The following CASP9 variants were observed in gnomAD, a reference collection of about 807,000 sequenced individuals.
CASP9 encodes the protein caspase-9.
A neutral mutation model predicts 43.5 loss-of-function variants in CASP9; 29 were observed. That is an observed-to-expected ratio of 0.67 (90% CI 0.50 to 0.91). CASP9 has a LOEUF of 0.91. Ranked by LOEUF, CASP9 falls within the 40% of genes least tolerant of loss-of-function variation. CASP9 has a pLI of 0.00. For synonymous variants in CASP9, 206 were observed against 211.9 expected, an observed-to-expected ratio of 0.97 and a Z score of 0.24; for missense variants, 575 against 537.4, an observed-to-expected ratio of 1.07 and a Z score of -0.69.
At position 15,507,096 on chromosome 1, in the gene CASP9, G is replaced by A. The variant is rs2308947; in HGVS notation, c.454-21C>T. The A allele has an allele frequency of 1.6e-5, 26 of 1,612,708 alleles. 1 individual carries two copies. The East Asian group carries it at 2.0e-4, about 12-fold the overall frequency. On this transcript the variant is annotated intron_variant, in intron 3 of 8. Coordinates refer to ENST00000333868, the MANE Select transcript of CASP9 (RefSeq NM_001229.5). ...TAAGCCTGCCAGCACAGGGACCCACGTAAACCCGGGCTCTCCCCACGCTCC... is the reference window on the plus strand; with the variant it reads ...TAAGCCTGCCAGCACAGGGACCCACATAAACCCGGGCTCTCCCCACGCTCC...
intron 1 of CASP9, chr1:15,519,785 T>G (rs940714012): frequency 6.6e-6 from 1 of 152,520 alleles, no homozygotes; most frequent in East Asian, 1.9e-4. Flanking sequence ...AGTGGGAGGA[T>G]AGCTTGAGCC....
rs763654288 is a variant in CASP9 at position 15,524,099 on chromosome 1, C to A, written c.102G>T (p.Leu34=). The change falls in exon 1 of 9, where the codon CTG becomes CTT. Residue 34 remains leucine, a synonymous_variant. Coordinates refer to ENST00000333868, the MANE Select transcript of CASP9 (RefSeq NM_001229.5). The part of the protein sequence containing the change: ...QLWDALLSRE[L]FRPHMIEDIQ... Reference sequence around the variant, plus strand: ...TGTCCTCGATCATATGGGGCCTGAACAGCTCGCGGCTCAGCAGGGCGTCCC... The same window carrying A: ...TGTCCTCGATCATATGGGGCCTGAAAAGCTCGCGGCTCAGCAGGGCGTCCC... 1 of 1,540,210 alleles carries A rather than the reference C, an allele frequency of 6.5e-7. No homozygotes were observed. The highest frequency in any genetic ancestry group is 8.7e-7 in the Non-Finnish European group (1 of 1,147,926).
chr1:15,515,679 C>T (rs1415075614), intron 2 of CASP9, among the ~76,000 whole-genome samples: 1 of 152,166 alleles, frequency 6.6e-6, no homozygotes, highest in Non-Finnish European at 1.5e-5. Context: ...TTACCCATCA[C>T]ACAGGAAAAA....
upstream of CASP9, chr1:15,524,740 C>CT (rs1291288142): frequency 4.9e-6 from 5 of 1,023,746 alleles, no homozygotes; most frequent in Admixed American, 6.2e-5. Flanking sequence ...GGGTCACCGC[C>CT]TGTCCCCAGA....
intron 2 of CASP9, among the ~76,000 whole-genome samples, chr1:15,517,859 CA>C (rs1400612223): frequency 1.3e-5 from 2 of 151,466 alleles, no homozygotes; most frequent in Non-Finnish European, 2.9e-5. Context: ...ATCTCAAAGG[CA>C]GGAAAAAAAA....
chr1:15,503,396 G>A (rs559105211), intron 6 of CASP9, among the ~76,000 whole-genome samples: 109 of 152,332 alleles, frequency 7.2e-4, no homozygotes, highest in Admixed American at 1.4e-3. Context: ...AGATAGGTCA[G>A]TAGCCCATCC....
At chr1:15,522,639 CAGG>C (rs1191977193) in intron 1 of CASP9, among the ~76,000 whole-genome samples, 2 of 152,152 alleles carry the variant, frequency 1.3e-5, no homozygotes, top group African/African-American at 2.4e-5. Flanking sequence ...CACTTAAGCC[CAGG>C]AGGTCAAGGT....
intron 6 of CASP9, among the ~76,000 whole-genome samples, chr1:15,497,358 A>G (rs1235298515): frequency 6.6e-6 from 1 of 150,988 alleles, no homozygotes; most frequent in Non-Finnish European, 1.5e-5. Context: ...AATAAAGAAG[A>G]CATAGGCCAG....
chr1:15,518,009 T>C, intron 2 of CASP9, 101 bp downstream of exon 2: 1 of 1,364,304 alleles, frequency 7.3e-7, no homozygotes, highest in Non-Finnish European at 1.0e-6. Context: ...AAGACAATGC[T>C]AAAATTAAAT....
chr1:15,524,249 C>T, upstream of CASP9: 1 of 1,522,744 alleles, frequency 6.6e-7, no homozygotes, highest in African/African-American at 1.4e-5. Flanking sequence ...GCTTCCGGGC[C>T]TCGGCCGCCC....
chr1:15,494,611 C>G (rs1030687161), intron 7 of CASP9, among the ~76,000 whole-genome samples: 2 of 150,672 alleles, frequency 1.3e-5, no homozygotes, highest in African/African-American at 4.9e-5. Flanking sequence ...CGCCTGTAAT[C>G]CCAGCACTTT....
At chr1:15,507,524 CCTAA>C (rs988095429) in intron 3 of CASP9, among the ~76,000 whole-genome samples, 2 of 152,226 alleles carry the variant, frequency 1.3e-5, no homozygotes, top group Admixed American at 6.5e-5. Context: ...TTCTCTCTCG[CCTAA>C]CTGACTGATG....
upstream of CASP9, chr1:15,524,400 C>A (rs1211579230): frequency 4.5e-5 from 61 of 1,360,198 alleles, 1 homozygote; most frequent in African/African-American, 8.6e-4. Flanking sequence ...GTCACCGCCC[C>A]GCCCTCAGGA....
At chr1:15,493,845 C>A in intron 8 of CASP9, 47 bp downstream of exon 8, 1 of 1,553,572 alleles carries the variant, frequency 6.4e-7, no homozygotes, top group South Asian at 1.2e-5. Context: ...GGACACGCTG[C>A]CCCTCAGCAG....
At chr1:15,513,790 GGAGT>G (rs1331457230) in intron 2 of CASP9, among the ~76,000 whole-genome samples, 1 of 152,166 alleles carries the variant, frequency 6.6e-6, no homozygotes, top group Non-Finnish European at 1.5e-5. Context: ...AGACAGTGAT[GGAGT>G]GAGTCTGAGG....
chr1:15,501,555 CCTTT>C (rs1356679716), intron 6 of CASP9, among the ~76,000 whole-genome samples: 4 of 152,132 alleles, frequency 2.6e-5, no homozygotes, highest in Non-Finnish European at 5.9e-5. Flanking sequence ...AGAACGGGGA[CCTTT>C]CTATTTCTGC....
Position 15,506,866 on chromosome 1 carries a change from C to G in CASP9, c.630+33G>C, listed in dbSNP as rs201617618. 7 of 1,563,074 alleles carry G rather than the reference C, an allele frequency of 4.5e-6. No individual in the cohort carries two copies. In the Admixed American group the frequency reaches 1.2e-4, roughly 26 times the overall value. On this transcript the variant is annotated intron_variant, in intron 4 of 8. Transcript: ENST00000333868. Reference sequence around the variant, plus strand: ...AGATACTTCCCCACCCACTGCCCCCCACCCTGTCTCCCTCCACAGATAGTG... The same window carrying G: ...AGATACTTCCCCACCCACTGCCCCCGACCCTGTCTCCCTCCACAGATAGTG...
upstream of CASP9, chr1:15,524,377 G>T: frequency 7.3e-7 from 1 of 1,377,210 alleles, no homozygotes; most frequent in African/African-American, 1.6e-5. Context: ...CCGCCCCCAG[G>T]AGTCGCTCTT....
chr1:15,517,865 AAAAAAC>A (rs780017114), intron 2 of CASP9, among the ~76,000 whole-genome samples: 4 of 152,122 alleles, frequency 2.6e-5, no homozygotes, highest in African/African-American at 4.8e-5. Flanking sequence ...AAGGCAGGAA[AAAAAAC>A]AAAAACAAAA....
Sources: gnomAD v4.1 joint callset for allele counts (sites outside exome capture counted in the v4.1 genomes callset) on GRCh38, gnomAD v4.1.1 for gene constraint, MANE v1.5 for transcripts, NCBI Gene and HGNC (gene_info 2026-07-23, HGNC 2026-07-21) for gene names.